RNF169: variants seen among roughly 807,000 people sequenced by gnomAD.
The protein encoded by RNF169 is ring finger protein 169.
In RNF169, 24 loss-of-function variants were observed where a neutral mutation model predicts 53.9. That is an observed-to-expected ratio of 0.45 (90% CI 0.32 to 0.63). The LOEUF is 0.63. Ranked by LOEUF, RNF169 falls within the 20% of genes least tolerant of loss-of-function variation. The pLI is 0.04. For synonymous variants in RNF169, 396 were observed against 363.5 expected (o/e 1.09, Z -1.02); for missense variants, 883 against 906.2 (o/e 0.97, Z 0.33).
intron 2 of RNF169, among the ~76,000 whole-genome samples, chr11:74,791,691 T>C (rs111242985): frequency 2.7e-4 from 41 of 152,136 alleles, no homozygotes; most frequent in African/African-American, 9.6e-4. Flanking sequence ...GGCCAGGCAG[T>C]GGGAGCAGGC....
At position 74,748,954 on chromosome 11, in the gene RNF169, G is replaced by C; in HGVS notation, c.74G>C (p.Arg25Pro). The change falls in exon 1 of 6, where the codon CGG becomes CCG. Residue 25 changes from arginine (R) to proline (P), a missense_variant. Arg to Pro is a moderately radical substitution (Grantham distance 103). Coordinates refer to ENST00000299563, the MANE Select transcript of RNF169 (RefSeq NM_001098638.2). ...GCCGCTCTGAGTCGGCGGGGCCGGCGGGGCCGCTGTGACGAGACGGCGGCA... is the reference window on the plus strand; with the variant it reads ...GCCGCTCTGAGTCGGCGGGGCCGGCCGGGCCGCTGTGACGAGACGGCGGCA... ...AAAALSRRGR[R>P]GRCDETAAAK... The C allele has an allele frequency of 2.0e-6, 3 of 1,467,938 alleles. 1 individual carries two copies. The Middle Eastern group carries it at 5.8e-4, about 286-fold the overall frequency. 90.9% of individuals were successfully genotyped at this position (1,467,938 alleles called of 1,614,324 possible). A position where few individuals can be genotyped will look rare whatever the true frequency, so the allele number is the denominator to read the frequency against.
chr11:74,799,365 T>C (rs2035697644), intron 2 of RNF169, among the ~76,000 whole-genome samples: 1 of 152,176 alleles, frequency 6.6e-6, no homozygotes, highest in Admixed American at 6.5e-5. Context: ...ATATGGTTGT[T>C]GTCTCCTTTT....
At chr11:74,786,402 G>A (rs1263901872) in intron 1 of RNF169, among the ~76,000 whole-genome samples, 1 of 151,852 alleles carries the variant, frequency 6.6e-6, no homozygotes, top group Non-Finnish European at 1.5e-5. Flanking sequence ...CCTGCTAATT[G>A]TTGGGGGGTT....
At chr11:74,762,853 C>G (rs1379386612) in intron 1 of RNF169, among the ~76,000 whole-genome samples, 1 of 152,142 alleles carries the variant, frequency 6.6e-6, no homozygotes, top group East Asian at 1.9e-4. Flanking sequence ...GCCCTTGAAC[C>G]TATGCTGTAT....
Position 74,839,969 on chromosome 11 carries a change from T to C in RNF169, c.*3239T>C, listed in dbSNP as rs571214116. 2 of 152,364 alleles carry C rather than the reference T, an allele frequency of 1.3e-5. No homozygotes were observed. The highest frequency in any genetic ancestry group is 2.9e-5 in the Non-Finnish European group (2 of 68,044). 9.4% of individuals were successfully genotyped at this position (152,364 alleles called of 1,614,324 possible). A position where few individuals can be genotyped will look rare whatever the true frequency, so the allele number is the denominator to read the frequency against. The stretch of plus-strand genomic sequence containing the variant: ...AAATTTTAATTTAATTTTTAAATTT[T>C]TGCTTGGAAGCAGCACTGGTAATAA... On this transcript the variant is annotated 3_prime_UTR_variant, in exon 6 of 6. Transcript: ENST00000299563.
At chr11:74,797,255 T>C (rs1011287953) in intron 2 of RNF169, among the ~76,000 whole-genome samples, 3 of 152,250 alleles carry the variant, frequency 2.0e-5, no homozygotes, top group Non-Finnish European at 4.4e-5. Context: ...TTTCCTTTTA[T>C]TAACTTACTG....
intron 2 of RNF169, among the ~76,000 whole-genome samples, chr11:74,804,021 T>C (rs1207451420): frequency 6.6e-6 from 1 of 152,210 alleles, no homozygotes; most frequent in Non-Finnish European, 1.5e-5. Context: ...CATTATGACA[T>C]TGATGAGAGA....
chr11:74,828,095 G>A (rs556852712), intron 4 of RNF169, among the ~76,000 whole-genome samples: 55 of 152,244 alleles, frequency 3.6e-4, no homozygotes, highest in African/African-American at 1.1e-3. Context: ...CATTGTCCCA[G>A]CCCAAAAGCT....
At chr11:74,755,565 G>A (rs1002942594) in intron 1 of RNF169, among the ~76,000 whole-genome samples, 1 of 152,168 alleles carries the variant, frequency 6.6e-6, no homozygotes, top group Non-Finnish European at 1.5e-5. Flanking sequence ...GTGTGGTTGG[G>A]GAAACACATA....
chr11:74,765,833 A>G (rs886567719), intron 1 of RNF169, among the ~76,000 whole-genome samples: 1 of 151,812 alleles, frequency 6.6e-6, no homozygotes, highest in African/African-American at 2.4e-5. Flanking sequence ...AAACAAAAAC[A>G]AAAAAACCCA....
At chr11:74,761,123 A>T (rs1417400533) in intron 1 of RNF169, among the ~76,000 whole-genome samples, 2 of 127,198 alleles carry the variant, frequency 1.6e-5, no homozygotes, top group African/African-American at 6.1e-5. Flanking sequence ...ATCCGAGACT[A>T]GGATTGCAAC....
intron 1 of RNF169, among the ~76,000 whole-genome samples, chr11:74,767,746 T>G (rs1023029608): frequency 1.4e-5 from 2 of 141,050 alleles, no homozygotes; most frequent in Non-Finnish European, 3.1e-5. Context: ...ATTTTTTGTA[T>G]TTTTTTTTTT....
chr11:74,749,202 G>C lies in RNF169; in HGVS notation c.322G>C (p.Ala108Pro). Residue 108 changes from alanine to proline, a missense_variant, in exon 1 of 6, where the codon GCC (alanine) becomes CCC (proline). Ala to Pro is a conservative substitution (Grantham distance 27). Around this residue, in one of 3 missense-constraint regions of RNF169, gnomAD observed 313 missense variants for 279.9 expected, o/e 1.12. Transcript: ENST00000299563. ...GGGCCCGGGTTGCCCTCGCTGCCGC[G>C]CCCGCGGCCCAGGCTGGGCCCGCCG... ...AAGPGCPRCR[A>P]RGPGWARRRA... 8.9e-7 allele frequency: 1 copy of C among 1,128,308 alleles called. No individual in the cohort carries two copies. The highest frequency in any genetic ancestry group is 1.1e-6 in the Non-Finnish European group (1 of 924,358). 69.9% of individuals were successfully genotyped at this position (1,128,308 alleles called of 1,614,324 possible).
At chr11:74,808,955 A>G (rs747498147) in intron 2 of RNF169, among the ~76,000 whole-genome samples, 2 of 152,046 alleles carry the variant, frequency 1.3e-5, no homozygotes, top group Non-Finnish European at 2.9e-5. Flanking sequence ...CTGGCATAGC[A>G]TTGTGTTTGG....
At chr11:74,792,414 T>C (rs942521030) in intron 2 of RNF169, among the ~76,000 whole-genome samples, 2 of 152,110 alleles carry the variant, frequency 1.3e-5, no homozygotes, top group Non-Finnish European at 2.9e-5. Flanking sequence ...GGTTTCTTTT[T>C]TTTTTGAAAC....
chr11:74,773,296 A>G (rs752094349), intron 1 of RNF169, among the ~76,000 whole-genome samples: 9 of 152,324 alleles, frequency 5.9e-5, no homozygotes, highest in South Asian at 2.1e-4. Context: ...GAATTTCTCA[A>G]CTAGTCAATC....
intron 4 of RNF169, among the ~76,000 whole-genome samples, chr11:74,830,359 A>G (rs1488212658): frequency 6.6e-6 from 1 of 152,134 alleles, no homozygotes; most frequent in African/African-American, 2.4e-5. Context: ...TTATTACAGA[A>G]TTAAGAAGGA....
intron 4 of RNF169, among the ~76,000 whole-genome samples, chr11:74,828,785 T>C (rs2036134685): frequency 6.6e-6 from 1 of 152,188 alleles, no homozygotes; most frequent in Non-Finnish European, 1.5e-5. Context: ...TGGTTAGCCA[T>C]ATGCAGAAAA....
In RNF169 at chr11:74,767,513, C is replaced by T. The variant is rs373162607; in HGVS notation, c.502+18131C>T. 1.9e-4 allele frequency among the ~76,000 whole-genome samples: 29 copies of T among 152,152 alleles called. No individual in the cohort carries two copies. The South Asian group carries it at 4.4e-3, about 23-fold the overall frequency. On this transcript the variant is annotated intron_variant, in intron 1 of 5. Coordinates refer to ENST00000299563, the MANE Select transcript of RNF169 (RefSeq NM_001098638.2). Reference sequence around the variant, plus strand: ...CTCCACCTGCCAGGTTCAAGCCTCCCGAGTAGCTGGGACTACAGGCACGGG... The same window carrying T: ...CTCCACCTGCCAGGTTCAAGCCTCCTGAGTAGCTGGGACTACAGGCACGGG...
Sources: gnomAD v4.1 joint callset for allele counts (sites outside exome capture counted in the v4.1 genomes callset) on GRCh38, gnomAD v4.1.1 for gene constraint, gnomAD v4.1.1 regional missense constraint, MANE v1.5 for transcripts, NCBI Gene and HGNC (gene_info 2026-07-23, HGNC 2026-07-21) for gene names.